The following CFAP95 variants were observed in gnomAD, a reference collection of about 807,000 sequenced individuals.
CFAP95 encodes the protein cilia- and flagella-associated protein 95.
the CFAP95 span, among the ~76,000 whole-genome samples, chr9:69,901,327 C>T: frequency 6.6e-6 from 1 of 152,010 alleles, no homozygotes; most frequent in Admixed American, 6.6e-5. Context: ...TTAGTAGAGA[C>T]GGGGTTTCAC....
chr9:69,829,126 A>T, the CFAP95 span, among the ~76,000 whole-genome samples: 2 of 152,190 alleles, frequency 1.3e-5, no homozygotes, highest in Admixed American at 1.3e-4. Context: ...ACAACGGTGG[A>T]TCCTACGCCA....
chr9:69,885,028 C>G, the CFAP95 span: 1 of 152,120 alleles, frequency 6.6e-6, no homozygotes, highest in Admixed American at 6.5e-5. Flanking sequence ...TGGTGGGAAC[C>G]AAGTATTCGC....
At chr9:69,868,562 G>A in the CFAP95 span, among the ~76,000 whole-genome samples, 2 of 151,718 alleles carry the variant, frequency 1.3e-5, no homozygotes, top group Non-Finnish European at 2.9e-5. Flanking sequence ...GGAGGCTGAG[G>A]CAGGAGAATA....
chr9:69,827,776 T>A, the CFAP95 span, among the ~76,000 whole-genome samples: 1 of 152,172 alleles, frequency 6.6e-6, no homozygotes, highest in Admixed American at 6.5e-5. Flanking sequence ...GGACTACAGA[T>A]ACCTGTCAGG....
chr9:69,846,912 A>G, the CFAP95 span, among the ~76,000 whole-genome samples: 1 of 152,228 alleles, frequency 6.6e-6, no homozygotes, highest in Non-Finnish European at 1.5e-5. Context: ...CAAGGGACTG[A>G]AGAGTTAAAA....
At chr9:69,860,702 C>T in the CFAP95 span, among the ~76,000 whole-genome samples, 17 of 151,492 alleles carry the variant, frequency 1.1e-4, no homozygotes, top group African/African-American at 4.1e-4. Context: ...TTCTTTATAT[C>T]CCTATTCTGT....
chr9:69,900,159 C>T, the CFAP95 span, among the ~76,000 whole-genome samples: 1 of 151,996 alleles, frequency 6.6e-6, no homozygotes, highest in African/African-American at 2.4e-5. Flanking sequence ...TGTGCATATA[C>T]ACCCACAGCT....
At chr9:69,881,183 T>C in the CFAP95 span, among the ~76,000 whole-genome samples, 1 of 152,200 alleles carries the variant, frequency 6.6e-6, no homozygotes, top group Non-Finnish European at 1.5e-5. Flanking sequence ...ATCCCATTTG[T>C]CTACTTTTGC....
At chr9:69,857,247 A>G in the CFAP95 span, among the ~76,000 whole-genome samples, 1 of 152,188 alleles carries the variant, frequency 6.6e-6, no homozygotes, top group Non-Finnish European at 1.5e-5. Context: ...ATATGAAGGC[A>G]TTTCCTCAGG....
chr9:69,839,889 A>G, the CFAP95 span, among the ~76,000 whole-genome samples: 1 of 151,132 alleles, frequency 6.6e-6, no homozygotes, highest in African/African-American at 2.4e-5. Flanking sequence ...CAGCCTGGCC[A>G]ACATGGTGAA....
the CFAP95 span, among the ~76,000 whole-genome samples, chr9:69,845,645 C>T: frequency 1.4e-4 from 21 of 152,246 alleles, no homozygotes; most frequent in South Asian, 6.2e-4. Flanking sequence ...TAATAAGGAT[C>T]GCCTGGAGAA....
chr9:69,867,656 G>A, the CFAP95 span, among the ~76,000 whole-genome samples: 1 of 152,102 alleles, frequency 6.6e-6, no homozygotes, highest in African/African-American at 2.4e-5. Context: ...TGATATCCTG[G>A]GACTTCTGAT....
At chr9:69,844,281 A>G in the CFAP95 span, among the ~76,000 whole-genome samples, 1 of 152,212 alleles carries the variant, frequency 6.6e-6, no homozygotes, top group African/African-American at 2.4e-5. Flanking sequence ...ACTGTGTTTG[A>G]TAAGTATTGT....
chr9:69,874,699 G>A, the CFAP95 span, among the ~76,000 whole-genome samples: 9 of 152,246 alleles, frequency 5.9e-5, no homozygotes, highest in East Asian at 7.7e-4. Context: ...TTACTGTCAC[G>A]GGAGAGTGAG....
chr9:69,888,695 G>A, the CFAP95 span, among the ~76,000 whole-genome samples: 378 of 152,220 alleles, frequency 2.5e-3, 1 homozygote, highest in African/African-American at 8.6e-3. Flanking sequence ...GGCCAATGTG[G>A]CGAAACCTTG....
the CFAP95 span, among the ~76,000 whole-genome samples, chr9:69,901,414 G>C: frequency 6.6e-6 from 1 of 152,172 alleles, no homozygotes; most frequent in Admixed American, 6.5e-5. Flanking sequence ...TGGGATTACA[G>C]GCGTGAGCCA....
At chr9:69,841,568 T>A in the CFAP95 span, among the ~76,000 whole-genome samples, 1 of 152,146 alleles carries the variant, frequency 6.6e-6, no homozygotes, top group East Asian at 1.9e-4. Context: ...TCTGGGATCC[T>A]GAATTTGAGT....
the CFAP95 span, chr9:69,902,285 A>C: frequency 2.2e-6 from 1 of 451,638 alleles, no homozygotes; most frequent in South Asian, 1.6e-5. Context: ...TCTTCATTTC[A>C]ACTCTTCTCT....
At chr9:69,900,220 C>T in the CFAP95 span, among the ~76,000 whole-genome samples, 1 of 152,012 alleles carries the variant, frequency 6.6e-6, no homozygotes, top group Non-Finnish European at 1.5e-5. Flanking sequence ...GACCCCAATA[C>T]ACCATACTCT....
Sources: gnomAD v4.1 joint callset for allele counts (sites outside exome capture counted in the v4.1 genomes callset) on GRCh38, gnomAD v4.1.1 for gene constraint, MANE v1.5 for transcripts, NCBI Gene and HGNC (gene_info 2026-07-23, HGNC 2026-07-21) for gene names.